The following ERC1 variants were observed in gnomAD, a reference collection of about 807,000 sequenced individuals.
The protein encoded by ERC1 is RAB6 interacting protein 2.
In ERC1, 56 loss-of-function variants were observed where a neutral mutation model predicts 132.0. That is an observed-to-expected ratio of 0.42 (90% CI 0.34 to 0.53). ERC1 has a LOEUF of 0.53. Ranked by LOEUF, ERC1 falls within the 20% of genes least tolerant of loss-of-function variation. The probability of loss-of-function intolerance (pLI) is 0.03; values close to 1 mark genes in which losing one functional copy is unlikely to be tolerated. For synonymous variants in ERC1, 478 were observed against 476.1 expected (o/e 1.00, Z -0.05); for missense variants, 1,202 against 1,349.9 (o/e 0.89, Z 1.72).
chr12:1,105,605 C>T (rs1945172057), intron 4 of ERC1, among the ~76,000 whole-genome samples: 1 of 152,168 alleles, frequency 6.6e-6, no homozygotes, highest in South Asian at 2.1e-4. Context: ...TATCCGCCCG[C>T]CTCGGCCTCC....
At chr12:1,134,735 T>TC (rs1468802840) in intron 7 of ERC1, among the ~76,000 whole-genome samples, 1 of 151,470 alleles carries the variant, frequency 6.6e-6, no homozygotes, top group Non-Finnish European at 1.5e-5. Flanking sequence ...TAACTTTTTT[T>TC]TTTTTTTTTT....
intron 15 of ERC1, among the ~76,000 whole-genome samples, chr12:1,325,780 C>A (rs1424021131): frequency 6.6e-6 from 1 of 152,128 alleles, no homozygotes; most frequent in Non-Finnish European, 1.5e-5. Flanking sequence ...TCATTTCTTT[C>A]ATGAGTATAG....
intron 15 of ERC1, among the ~76,000 whole-genome samples, chr12:1,309,292 A>C (rs1488925710): frequency 6.6e-6 from 1 of 152,216 alleles, no homozygotes; most frequent in Non-Finnish European, 1.5e-5. Context: ...TAATTTGCAC[A>C]CTGTCTGACA....
At chr12:1,126,449 A>G (rs1948169284) in intron 7 of ERC1, among the ~76,000 whole-genome samples, 1 of 152,218 alleles carries the variant, frequency 6.6e-6, no homozygotes, top group Non-Finnish European at 1.5e-5. Flanking sequence ...TTGGCCACCT[A>G]CTTCATGCTA....
At chr12:1,132,447 T>A (rs1296350974) in intron 7 of ERC1, among the ~76,000 whole-genome samples, 1 of 152,222 alleles carries the variant, frequency 6.6e-6, no homozygotes, top group East Asian at 1.9e-4. Flanking sequence ...GTCACCTTTT[T>A]CGGTCACCAA....
intron 14 of ERC1, among the ~76,000 whole-genome samples, chr12:1,265,905 A>G (rs2077449191): frequency 6.6e-6 from 1 of 152,168 alleles, no homozygotes; most frequent in Non-Finnish European, 1.5e-5. Flanking sequence ...TCTCTGAATG[A>G]TATTCCATTG....
At chr12:1,202,137 A>T (rs924418963) in intron 12 of ERC1, among the ~76,000 whole-genome samples, 19 of 152,138 alleles carry the variant, frequency 1.2e-4, no homozygotes, top group African/African-American at 4.1e-4. Flanking sequence ...CTTGATGAAT[A>T]TCATAGACTT....
At chr12:1,311,828 C>T (rs369294337) in intron 15 of ERC1, among the ~76,000 whole-genome samples, 1 of 152,024 alleles carries the variant, frequency 6.6e-6, no homozygotes, top group East Asian at 1.9e-4. Flanking sequence ...TATGGAGATA[C>T]GTGGCCAAAA....
At chr12:1,443,111 G>A (rs1411897534) in intron 17 of ERC1, among the ~76,000 whole-genome samples, 4 of 151,962 alleles carry the variant, frequency 2.6e-5, no homozygotes, top group African/African-American at 9.7e-5. Context: ...ATGTTAGCCA[G>A]GATGGTCTCG....
intron 2 of ERC1, among the ~76,000 whole-genome samples, chr12:1,042,192 C>T (rs1044622187): frequency 7.9e-5 from 12 of 151,356 alleles, no homozygotes; most frequent in African/African-American, 1.7e-4. Flanking sequence ...CACCTACCAC[C>T]GCGCCCAGCT....
rs1469275517 is a variant in ERC1 at position 1,312,431 on chromosome 12, G to T, written c.2780+22419G>T. Among the ~76,000 whole-genome samples the T allele has an allele frequency of 2.0e-5, 3 of 151,896 alleles. No homozygotes were observed. In the South Asian group the frequency reaches 6.2e-4, roughly 32 times the overall value. On this transcript the variant is annotated intron_variant, in intron 15 of 18. Transcript: ENST00000360905. ...GGCTGGAATGCAGTGGCGGGATCTC[G>T]GCTCACTGCAACCACCTCCCGGGTT...
intron 16 of ERC1, among the ~76,000 whole-genome samples, chr12:1,405,977 T>C (rs2091463828): frequency 6.6e-6 from 1 of 152,204 alleles, no homozygotes; most frequent in African/African-American, 2.4e-5. Flanking sequence ...CGTATACATA[T>C]ATGTGTAATT....
At chr12:1,236,549 A>G (rs570339638) in intron 12 of ERC1, among the ~76,000 whole-genome samples, 1 of 152,304 alleles carries the variant, frequency 6.6e-6, no homozygotes, top group African/African-American at 2.4e-5. Context: ...TTCGTAGAAT[A>G]CATGCTGAAA....
chr12:1,334,239 A>G (rs2154359283), intron 15 of ERC1, among the ~76,000 whole-genome samples: 1 of 152,306 alleles, frequency 6.6e-6, no homozygotes, highest in East Asian at 1.9e-4. Context: ...TAGTTTACAT[A>G]GATCCTGTTC....
chr12:1,104,955 C>T, intron 4 of ERC1, 131 bp downstream of exon 4: 1 of 591,878 alleles, frequency 1.7e-6, no homozygotes, highest in Non-Finnish European at 3.0e-6. Context: ...GAGTGAGAAT[C>T]AATGAAAATG....
intron 2 of ERC1, among the ~76,000 whole-genome samples, chr12:1,049,280 T>C (rs1971539273): frequency 6.6e-6 from 1 of 152,240 alleles, no homozygotes. Flanking sequence ...TAGTGCAGGA[T>C]TGGCAAAAAC....
In ERC1 at chr12:1,396,566, C is replaced by T. The variant is rs535652129; in HGVS notation, c.2926-11583C>T. On this transcript the variant is annotated intron_variant, in intron 16 of 18. Coordinates refer to ENST00000360905, the MANE Select transcript of ERC1 (RefSeq NM_178040.4). ...TGATTAGAATCTGTTTCAGATAGCG[C>T]GGAAAGCCTTTTGTTCCAAACCTCA... Among the ~76,000 whole-genome samples the T allele has an allele frequency of 3.9e-4, 59 of 152,260 alleles. 1 individual carries two copies. The highest frequency in any genetic ancestry group is 1.0e-3 in the Admixed American group (16 of 15,292).
chr12:1,104,787 C>T lies in ERC1; in HGVS notation c.1124C>T (p.Ala375Val). Residue 375 changes from alanine (A) to valine (V), a missense_variant, in exon 4 of 19, where the codon GCC becomes GTC. Physicochemically the swap from Ala to Val is moderately conservative, Grantham distance 64. Coordinates refer to ENST00000360905, the MANE Select transcript of ERC1 (RefSeq NM_178040.4). Reference protein sequence around the residue: ...HRRFENAPDSAKTKALQTVIE... With the variant: ...HRRFENAPDSVKTKALQTVIE... Reference sequence around the variant, plus strand: ...AGGTTTGAGAATGCTCCTGATTCTGCCAAAACAAAAGCTCTGCAAACTGTT... The same window carrying T: ...AGGTTTGAGAATGCTCCTGATTCTGTCAAAACAAAAGCTCTGCAAACTGTT... 1 of 1,613,258 alleles carries T rather than the reference C, an allele frequency of 6.2e-7. No homozygotes were observed. The highest frequency in any genetic ancestry group is 8.5e-7 in the Non-Finnish European group (1 of 1,179,314).
intron 6 of ERC1, among the ~76,000 whole-genome samples, chr12:1,112,708 G>A (rs1946024893): frequency 6.6e-6 from 1 of 152,144 alleles, no homozygotes; most frequent in Non-Finnish European, 1.5e-5. Flanking sequence ...CTTGAGCAAA[G>A]TGCTTTACCT....
Sources: gnomAD v4.1 joint callset for allele counts (sites outside exome capture counted in the v4.1 genomes callset) on GRCh38, gnomAD v4.1.1 for gene constraint, MANE v1.5 for transcripts, NCBI Gene and HGNC (gene_info 2026-07-23, HGNC 2026-07-21) for gene names.